The following CRPPA variants were observed in gnomAD, a reference collection of about 807,000 sequenced individuals.
CRPPA encodes the protein D-ribitol-5-phosphate cytidylyltransferase.
In CRPPA, 43 loss-of-function variants were observed where a neutral mutation model predicts 52.0. The observed-to-expected ratio is 0.83, with a 90% CI of 0.65 to 1.07. CRPPA has a LOEUF of 1.07. CRPPA is among the 50% of genes least tolerant of loss of function. The probability of loss-of-function intolerance (pLI) is 0.00; values close to 1 mark genes in which losing one functional copy is unlikely to be tolerated. For synonymous variants in CRPPA, 250 were observed against 203.5 expected, an observed-to-expected ratio of 1.23 and a Z score of -1.94; for missense variants, 629 against 551.7, an observed-to-expected ratio of 1.14 and a Z score of -1.40.
At chr7:16,187,788 G>A (rs1481144920) in intron 9 of CRPPA, among the ~76,000 whole-genome samples, 1 of 152,116 alleles carries the variant, frequency 6.6e-6, no homozygotes, top group African/African-American at 2.4e-5. Flanking sequence ...TTGATGGGGA[G>A]GAGACATGGA....
chr7:16,338,042 A>G (rs1286013762), intron 3 of CRPPA, among the ~76,000 whole-genome samples: 1 of 152,224 alleles, frequency 6.6e-6, no homozygotes, highest in East Asian at 1.9e-4. Context: ...GGACACTACA[A>G]GAAAACAAAG....
chr7:16,371,553 A>C (rs1469065489), intron 3 of CRPPA, among the ~76,000 whole-genome samples: 2 of 152,146 alleles, frequency 1.3e-5, no homozygotes, highest in Non-Finnish European at 2.9e-5. Flanking sequence ...AAAAACCCAC[A>C]GTCCAATCAA....
chr7:16,347,314 T>C (rs190910783), intron 3 of CRPPA, among the ~76,000 whole-genome samples: 2 of 152,282 alleles, frequency 1.3e-5, no homozygotes, highest in Admixed American at 1.3e-4. Flanking sequence ...TAAAGTCTTA[T>C]TGCATTATCA....
At chr7:16,306,912 A>C (rs1185543063) in intron 4 of CRPPA, among the ~76,000 whole-genome samples, 1 of 152,086 alleles carries the variant, frequency 6.6e-6, no homozygotes, top group East Asian at 1.9e-4. Flanking sequence ...TTACCGCATA[A>C]ATTTTCTCTA....
intron 9 of CRPPA, among the ~76,000 whole-genome samples, chr7:16,176,304 C>T (rs1165484059): frequency 6.6e-6 from 1 of 152,138 alleles, no homozygotes; most frequent in Non-Finnish European, 1.5e-5. Context: ...ATGCGTCATT[C>T]TACACTTAAA....
intron 9 of CRPPA, among the ~76,000 whole-genome samples, chr7:16,183,749 C>T (rs541823006): frequency 2.6e-5 from 4 of 152,044 alleles, no homozygotes; most frequent in East Asian, 1.9e-4. Flanking sequence ...AATTCTGCCC[C>T]GTTGATAGAA....
chr7:16,212,344 T>C (rs903423222), intron 9 of CRPPA, among the ~76,000 whole-genome samples: 3 of 152,172 alleles, frequency 2.0e-5, no homozygotes, highest in South Asian at 2.1e-4. Context: ...AATGACAGTT[T>C]AGTGGGGAAG....
At chr7:16,097,147 T>A (rs925844246) in intron 9 of CRPPA, among the ~76,000 whole-genome samples, 1 of 152,030 alleles carries the variant, frequency 6.6e-6, no homozygotes, top group Non-Finnish European at 1.5e-5. Context: ...TGCTTGAAAA[T>A]TCAAGGCTTC....
Position 16,156,096 on chromosome 7 carries a change from T to TTAA in CRPPA, c.1251+59969_1251+59970insTTA, listed in dbSNP as rs541101928. ...AAATGCAGCTAAACCCTGTATAGAC[T>TTAA]TACTGAGTTATTCAAAAGCAAAAAA... On this transcript the variant is annotated intron_variant, in intron 9 of 9. Coordinates refer to ENST00000407010, the MANE Select transcript of CRPPA (RefSeq NM_001101426.4). 2.6e-3 allele frequency among the ~76,000 whole-genome samples: 377 copies of TTAA among 144,848 alleles called. 3 individuals are homozygous for TTAA. Among genetic ancestry groups the TTAA allele is most frequent in the African/African-American group, 9.2e-3 (360 of 39,170 alleles).
intron 9 of CRPPA, among the ~76,000 whole-genome samples, chr7:16,184,485 G>T (rs1345224768): frequency 1.3e-5 from 2 of 152,036 alleles, no homozygotes; most frequent in East Asian, 3.9e-4. Flanking sequence ...TAAAGTAAAT[G>T]ACTTCACTAT....
At chr7:16,299,532 G>A (rs756031319) in intron 5 of CRPPA, among the ~76,000 whole-genome samples, 1 of 152,132 alleles carries the variant, frequency 6.6e-6, no homozygotes, top group Non-Finnish European at 1.5e-5. Flanking sequence ...CTGGTCTAGA[G>A]CATTTACTGA....
chr7:16,249,614 T>C (rs1364704771), intron 8 of CRPPA, among the ~76,000 whole-genome samples: 1 of 151,940 alleles, frequency 6.6e-6, no homozygotes, highest in East Asian at 1.9e-4. Flanking sequence ...TCCAGCAAAC[T>C]CCAACAAACC....
intron 9 of CRPPA, among the ~76,000 whole-genome samples, chr7:16,164,521 C>A (rs542895744): frequency 6.6e-6 from 1 of 152,314 alleles, no homozygotes; most frequent in African/African-American, 2.4e-5. Flanking sequence ...GTTCATCAAA[C>A]TCATTCTCCG....
intron 9 of CRPPA, among the ~76,000 whole-genome samples, chr7:16,162,917 T>C (rs1031602321): frequency 6.6e-5 from 10 of 152,114 alleles, no homozygotes; most frequent in African/African-American, 2.2e-4. Flanking sequence ...CATTGATCCC[T>C]TTACCATTAG....
intron 3 of CRPPA, among the ~76,000 whole-genome samples, chr7:16,330,104 A>T (rs1785513008): frequency 6.6e-6 from 1 of 152,236 alleles, no homozygotes; most frequent in African/African-American, 2.4e-5. Context: ...GTATTCATTC[A>T]TTACATAGCA....
intron 9 of CRPPA, among the ~76,000 whole-genome samples, chr7:16,112,268 T>C (rs1409108766): frequency 6.6e-6 from 1 of 152,088 alleles, no homozygotes; most frequent in Non-Finnish European, 1.5e-5. Context: ...TAAGCCGAGA[T>C]TGTGCCACTG....
chr7:16,400,052 G>A (rs898776248), intron 2 of CRPPA, among the ~76,000 whole-genome samples: 2 of 152,080 alleles, frequency 1.3e-5, no homozygotes, highest in Admixed American at 1.3e-4. Flanking sequence ...TACACAACAC[G>A]TGATTGGCAC....
At chr7:16,357,799 G>A (rs1213113690) in intron 3 of CRPPA, among the ~76,000 whole-genome samples, 1 of 152,194 alleles carries the variant, frequency 6.6e-6, no homozygotes, top group Non-Finnish European at 1.5e-5. Context: ...GTCTGAGGGG[G>A]AGTACCCAAT....
rs141619859 is a variant in CRPPA at position 16,294,694 on chromosome 7, G to A, written c.835+6727C>T. Among the ~76,000 whole-genome samples the A allele has an allele frequency of 3.1e-3, 472 of 152,060 alleles. 3 individuals carry two copies. Among genetic ancestry groups the A allele is most frequent in the African/African-American group, 0.011 (452 of 41,530 alleles). ...AAATTAAGTGTCATACTCAAAGCCA[G>A]AAACATCAAAACTTGGGGTTACTAT... is the stretch of plus-strand genomic sequence containing the variant. On this transcript the variant is annotated intron_variant, in intron 5 of 9. Transcript: ENST00000407010.
Sources: gnomAD v4.1 joint callset for allele counts (sites outside exome capture counted in the v4.1 genomes callset) on GRCh38, gnomAD v4.1.1 for gene constraint, MANE v1.5 for transcripts, NCBI Gene and HGNC (gene_info 2026-07-23, HGNC 2026-07-21) for gene names.